Variants in PHF21B observed in about 807,000 individuals in gnomAD.
PHF21B encodes PHD finger protein 21B, also known as PHD finger protein 4.
In PHF21B, 22 loss-of-function variants were observed where a neutral mutation model predicts 62.2. That is an observed-to-expected ratio of 0.35 (90% CI 0.25 to 0.51). The LOEUF is 0.51. PHF21B is among the 20% of genes least tolerant of loss of function. The pLI is 0.97. For synonymous variants in PHF21B, 341 were observed against 314.7 expected (o/e 1.08, Z -0.88); for missense variants, 701 against 707.9 (o/e 0.99, Z 0.11).
intron 2 of PHF21B, among the ~76,000 whole-genome samples, chr22:44,946,341 T>A (rs16993187): frequency 0.14 from 21,460 of 152,152 alleles, 2,199 homozygotes; most frequent in African/African-American, 0.28. Context: ...GCACCTTCTA[T>A]GCCCTCCCGA....
At chr22:44,984,159 C>A (rs867434851) in intron 2 of PHF21B, among the ~76,000 whole-genome samples, 10 of 558 alleles carry the variant, frequency 0.018, 1 homozygote, top group African/African-American at 0.05. Context: ...TCACCACCAT[C>A]ACCACCATCA....
intron 2 of PHF21B, among the ~76,000 whole-genome samples, chr22:44,967,747 T>G (rs952958026): frequency 6.6e-6 from 1 of 152,174 alleles, no homozygotes. Flanking sequence ...TTTCTCCCAA[T>G]GTCCTTTTCT....
chr22:44,894,350 ACGAAGTTTACAGGCG>A (rs1279597557), intron 6 of PHF21B, among the ~76,000 whole-genome samples: 1 of 152,170 alleles, frequency 6.6e-6, no homozygotes, highest in African/African-American at 2.4e-5. Flanking sequence ...CACCAACTCC[ACGAAGTTTACAGGCG>A]CAGTTTTCCC....
At chr22:44,943,589 G>A (rs565427342) in intron 2 of PHF21B, among the ~76,000 whole-genome samples, 2 of 152,084 alleles carry the variant, frequency 1.3e-5, no homozygotes, top group African/African-American at 2.4e-5. Context: ...CTAGAGTCCT[G>A]GCAGCTGGCT....
In PHF21B at chr22:45,008,620, C is replaced by G; in HGVS notation, c.55-10G>C. On this transcript the variant is annotated splice_polypyrimidine_tract_variant and intron_variant, in intron 1 of 12. Coordinates refer to ENST00000313237, the MANE Select transcript of PHF21B (RefSeq NM_138415.5). ...TCTTGAGGTCGCCGTTCTGCGGAAA[C>G]ACGGAGGAGCGGGCTCAGGCAGGCC... 6.3e-7 allele frequency: 1 copy of G among 1,581,036 alleles called. No homozygotes were observed. The highest frequency in any genetic ancestry group is 8.6e-7 in the Non-Finnish European group (1 of 1,164,182).
At position 44,912,809 on chromosome 22, in the gene PHF21B, G is replaced by T. The variant is rs1421542984; in HGVS notation, c.831+1013C>A. ...TGGGAGGATCACTTGAGCCCAGGAG[G>T]TTGAGGCTGCAGTGAGCTATGATGG... On this transcript the variant is annotated intron_variant, in intron 5 of 12. Transcript: ENST00000313237. Among the ~76,000 whole-genome samples the T allele has an allele frequency of 2.2e-5, 3 of 137,292 alleles. No individual in the cohort carries two copies. In the East Asian group the frequency reaches 7.2e-4, roughly 33 times the overall value. 90.1% of individuals were successfully genotyped at this position (137,292 alleles called of 152,430 possible).
chr22:44,991,016 C>T (rs1306692997), intron 2 of PHF21B, among the ~76,000 whole-genome samples: 5 of 152,196 alleles, frequency 3.3e-5, no homozygotes, highest in Admixed American at 2.6e-4. Flanking sequence ...GCCTGCGAGG[C>T]GGGAATCAAA....
At position 44,919,026 on chromosome 22, in the gene PHF21B, C is replaced by T. The variant is rs558335629; in HGVS notation, c.213+1372G>A. 5.3e-5 allele frequency among the ~76,000 whole-genome samples: 8 copies of T among 152,328 alleles called. No individual in the cohort carries two copies. The East Asian group carries it at 1.4e-3, about 26-fold the overall frequency. ...GGTCTCTCCCTACCACCTCTGCCTC[C>T]GTTTCTCACCCTGCACCCTCCTCCT... On this transcript the variant is annotated intron_variant, in intron 3 of 12. Coordinates refer to ENST00000313237, the MANE Select transcript of PHF21B (RefSeq NM_138415.5).
intron 2 of PHF21B, among the ~76,000 whole-genome samples, chr22:44,928,668 C>T (rs769724690): frequency 6.6e-6 from 1 of 152,222 alleles, no homozygotes; most frequent in Non-Finnish European, 1.5e-5. Flanking sequence ...CCTTGGCCTC[C>T]CAAAGTGCTG....
intron 2 of PHF21B, among the ~76,000 whole-genome samples, chr22:44,938,786 G>C (rs936602646): frequency 6.6e-6 from 1 of 152,240 alleles, no homozygotes; most frequent in Non-Finnish European, 1.5e-5. Context: ...ACCAGGATCA[G>C]GAACAGGTTC....
chr22:44,888,811 G>A (rs1489189421), intron 9 of PHF21B, among the ~76,000 whole-genome samples: 2 of 152,218 alleles, frequency 1.3e-5, no homozygotes, highest in East Asian at 3.8e-4. Context: ...CCCAGGGAGG[G>A]AGAGGCGGTT....
chr22:44,942,465 G>T (rs1569243133), intron 2 of PHF21B, among the ~76,000 whole-genome samples: 1 of 152,178 alleles, frequency 6.6e-6, no homozygotes, highest in Non-Finnish European at 1.5e-5. Context: ...CCAGCTCTGT[G>T]GAAAGGTACT....
intron 2 of PHF21B, among the ~76,000 whole-genome samples, chr22:45,005,792 T>C (rs1314863998): frequency 6.6e-6 from 1 of 152,212 alleles, no homozygotes; most frequent in Non-Finnish European, 1.5e-5. Flanking sequence ...GTGGAGATGG[T>C]ATAAGCGTTT....
chr22:44,970,229 T>A (rs970021156), intron 2 of PHF21B, among the ~76,000 whole-genome samples: 1 of 152,172 alleles, frequency 6.6e-6, no homozygotes, highest in Non-Finnish European at 1.5e-5. Flanking sequence ...ATATTCCCCA[T>A]CCCTTGAAGC....
At chr22:44,988,392 G>A (rs1217692614) in intron 2 of PHF21B, among the ~76,000 whole-genome samples, 1 of 152,130 alleles carries the variant, frequency 6.6e-6, no homozygotes, top group Non-Finnish European at 1.5e-5. Context: ...AGCCCTGGAG[G>A]TCAAGGCTGC....
chr22:44,973,717 C>T (rs925354568), intron 2 of PHF21B, among the ~76,000 whole-genome samples: 2 of 151,806 alleles, frequency 1.3e-5, no homozygotes, highest in African/African-American at 4.9e-5. Context: ...CTAACATATA[C>T]AGAGTACCCA....
intron 2 of PHF21B, among the ~76,000 whole-genome samples, chr22:44,957,810 G>C (rs2072331246): frequency 6.6e-6 from 1 of 152,026 alleles, no homozygotes; most frequent in Admixed American, 6.5e-5. Context: ...GTATCTTTCT[G>C]AGAAAGGCGA....
intron 2 of PHF21B, among the ~76,000 whole-genome samples, chr22:44,949,372 G>A (rs2072149309): frequency 6.6e-6 from 1 of 151,744 alleles, no homozygotes. Flanking sequence ...CTGGAAGAGG[G>A]AAGGCCCTGG....
intron 2 of PHF21B, among the ~76,000 whole-genome samples, chr22:44,921,435 C>T (rs370607052): frequency 5.9e-5 from 9 of 151,396 alleles, no homozygotes; most frequent in African/African-American, 1.9e-4. Flanking sequence ...GGCGCGATCT[C>T]GGCTCATTGC....
Sources: allele counts gnomAD v4.1 joint callset (sites outside exome capture counted in the v4.1 genomes callset), GRCh38; gene constraint gnomAD v4.1.1; transcripts MANE v1.5; gene names NCBI Gene and HGNC (gene_info 2026-07-23, HGNC 2026-07-21).